The following SPRED2 variants were observed in gnomAD, a reference collection of about 807,000 sequenced individuals.
The protein encoded by SPRED2 is sprouty related EVH1 domain containing 2.
SPRED2 carries 47 observed loss-of-function variants against 43.0 expected under a neutral mutation model. That is an observed-to-expected ratio of 1.09 (90% CI 0.87 to 1.40). The LOEUF (loss-of-function observed/expected upper bound fraction) is 1.40, where lower values mean the gene tolerates loss of function less well. SPRED2 is among the 40% of genes most tolerant of loss of function. The probability of loss-of-function intolerance (pLI) is 0.00; values close to 1 mark genes in which losing one functional copy is unlikely to be tolerated. For missense variants in SPRED2, 561 were observed against 586.4 expected, an observed-to-expected ratio of 0.96 and a Z score of 0.45; for synonymous variants, 225 against 225.7, an observed-to-expected ratio of 1.00 and a Z score of 0.03.
At chr2:65,365,593 C>A (rs1674948754) in intron 1 of SPRED2, among the ~76,000 whole-genome samples, 1 of 152,198 alleles carries the variant, frequency 6.6e-6, no homozygotes, top group Non-Finnish European at 1.5e-5. Flanking sequence ...GGCTGCTCCA[C>A]AAATGCTAAA....
At chr2:65,321,616 G>A (rs940800812) in intron 4 of SPRED2, among the ~76,000 whole-genome samples, 1 of 151,646 alleles carries the variant, frequency 6.6e-6, no homozygotes, top group Non-Finnish European at 1.5e-5. Context: ...AAACAACAGG[G>A]TCTCAGCTCA....
intron 4 of SPRED2, among the ~76,000 whole-genome samples, chr2:65,325,703 G>A (rs1673590150): frequency 6.6e-6 from 1 of 152,220 alleles, no homozygotes; most frequent in South Asian, 2.1e-4. Context: ...CACTTTGGGA[G>A]GCCAAGGGGT....
At chr2:65,357,075 C>T (rs1224946167) in intron 1 of SPRED2, among the ~76,000 whole-genome samples, 1 of 152,186 alleles carries the variant, frequency 6.6e-6, no homozygotes, top group Non-Finnish European at 1.5e-5. Flanking sequence ...GGAAAATCAG[C>T]AGATCATGCT....
At chr2:65,365,572 G>A (rs1448947951) in intron 1 of SPRED2, among the ~76,000 whole-genome samples, 1 of 152,162 alleles carries the variant, frequency 6.6e-6, no homozygotes, top group African/African-American at 2.4e-5. Flanking sequence ...AGGATTTACT[G>A]CTATACACTG....
At chr2:65,315,367 T>G (rs1285070050) in intron 5 of SPRED2, among the ~76,000 whole-genome samples, 1 of 152,218 alleles carries the variant, frequency 6.6e-6, no homozygotes, top group Non-Finnish European at 1.5e-5. Context: ...GCTCACAGGA[T>G]GCACTTGATA....
chr2:65,317,439 G>A (rs1673274418), intron 4 of SPRED2, among the ~76,000 whole-genome samples: 1 of 152,002 alleles, frequency 6.6e-6, no homozygotes. Context: ...TTTGAACCCG[G>A]GAAGCGGAGG....
chr2:65,367,777 A>T (rs1483500808), intron 1 of SPRED2, among the ~76,000 whole-genome samples: 1 of 152,200 alleles, frequency 6.6e-6, no homozygotes, highest in Non-Finnish European at 1.5e-5. Flanking sequence ...AGAGGTGACT[A>T]TACCCAGCTT....
chr2:65,432,469 G>T lies in SPRED2; in HGVS notation c.-482C>A. ...GAGGTGCGCCTGGGAGGCGGTGCAG[G>T]GCGCCCCGTCCGAGCCCCATCTCTC... On this transcript the variant is annotated 5_prime_UTR_variant, in exon 1 of 6. Coordinates refer to ENST00000356388, the MANE Select transcript of SPRED2 (RefSeq NM_181784.3). 1 of 162,266 alleles carries T rather than the reference G, an allele frequency of 6.2e-6. No homozygotes were observed. The highest frequency in any genetic ancestry group is 1.3e-5 in the Non-Finnish European group (1 of 74,776). 10.1% of individuals were successfully genotyped at this position (162,266 alleles called of 1,614,324 possible). A position where few individuals can be genotyped will look rare whatever the true frequency, so the allele number is the denominator to read the frequency against.
intron 1 of SPRED2, among the ~76,000 whole-genome samples, chr2:65,381,260 C>A (rs188661747): frequency 6.6e-6 from 1 of 152,346 alleles, no homozygotes; most frequent in East Asian, 1.9e-4. Flanking sequence ...TGTGTCCCAG[C>A]CTGCACCAGC....
intron 1 of SPRED2, among the ~76,000 whole-genome samples, chr2:65,356,183 T>G (rs1321187533): frequency 1.1e-4 from 17 of 152,228 alleles, no homozygotes; most frequent in Admixed American, 1.1e-3. Flanking sequence ...ACCCACCCGT[T>G]GAAATGTCTA....
At chr2:65,401,937 G>GCACA (rs1553426622) in intron 1 of SPRED2, among the ~76,000 whole-genome samples, 36 of 114,726 alleles carry the variant, frequency 3.1e-4, no homozygotes, top group African/African-American at 5.4e-4. Context: ...GCGCGCGCGC[G>GCACA]CACACACACA....
At chr2:65,383,852 G>A (rs944410627) in intron 1 of SPRED2, among the ~76,000 whole-genome samples, 2 of 152,166 alleles carry the variant, frequency 1.3e-5, no homozygotes, top group East Asian at 3.8e-4. Context: ...TATAAAAACA[G>A]GAAGAACGGG....
chr2:65,319,357 G>C (rs749236511), intron 4 of SPRED2, among the ~76,000 whole-genome samples: 1 of 152,156 alleles, frequency 6.6e-6, no homozygotes, highest in Non-Finnish European at 1.5e-5. Flanking sequence ...CTCCATTTCT[G>C]TAATCAAGAT....
intron 1 of SPRED2, among the ~76,000 whole-genome samples, chr2:65,355,076 C>G (rs1369999764): frequency 6.6e-6 from 1 of 152,176 alleles, no homozygotes; most frequent in Admixed American, 6.5e-5. Context: ...AAGAATGGAA[C>G]AACTTTTTCT....
At chr2:65,385,140 T>A (rs1469876050) in intron 1 of SPRED2, among the ~76,000 whole-genome samples, 2 of 151,876 alleles carry the variant, frequency 1.3e-5, no homozygotes, top group Non-Finnish European at 2.9e-5. Flanking sequence ...CCTGGCTAAT[T>A]TTTGTATTTT....
chr2:65,380,166 G>A (rs542999539), intron 1 of SPRED2, among the ~76,000 whole-genome samples: 113 of 152,264 alleles, frequency 7.4e-4, no homozygotes, highest in African/African-American at 2.6e-3. Flanking sequence ...CAAAAGTCAC[G>A]TTTTGGACTC....
Position 65,345,259 on chromosome 2 carries a change from G to GTTTTT in SPRED2, c.27-368_27-364dup, listed in dbSNP as rs66991368. On this transcript the variant is annotated intron_variant, in intron 1 of 5. Transcript: ENST00000356388. Reference sequence around the variant, plus strand: ...ACACCTATTTTGGTTTTTAGTTGTTGTTTTTTTTTTTTTTTTTTTTTGAGA... The same window carrying GTTTTT: ...ACACCTATTTTGGTTTTTAGTTGTTGTTTTTTTTTTTTTTTTTTTTTTTTTTGAGA... Among the ~76,000 whole-genome samples, 652 of 111,250 alleles carry GTTTTT rather than the reference G, an allele frequency of 5.9e-3. 7 individuals are homozygous for GTTTTT. Among genetic ancestry groups the GTTTTT allele is most frequent in the East Asian group, 0.02 (56 of 2,796 alleles). 73.0% of individuals were successfully genotyped at this position (111,250 alleles called of 152,430 possible).
intron 1 of SPRED2, among the ~76,000 whole-genome samples, chr2:65,394,979 G>C (rs949124062): frequency 1.3e-5 from 2 of 152,068 alleles, no homozygotes; most frequent in African/African-American, 4.8e-5. Context: ...TGTGGGTTGG[G>C]GTTGATTCTA....
rs1254273249 is a variant in SPRED2 at position 65,311,386 on chromosome 2, G to A, written c.*2115C>T. 6.1e-6 allele frequency: 6 copies of A among 985,762 alleles called. No homozygotes were observed. The highest frequency in any genetic ancestry group is 7.2e-6 in the Non-Finnish European group (6 of 829,950). 61.1% of individuals were successfully genotyped at this position (985,762 alleles called of 1,614,324 possible). On this transcript the variant is annotated 3_prime_UTR_variant, in exon 6 of 6. Transcript: ENST00000356388. ...TTAAAAGGGTGGAAAAGGACAAGGG[G>A]TGAAAGAAGAGAGAAACAGGTAACA... is the stretch of plus-strand genomic sequence containing the variant.
Sources: gnomAD v4.1 joint callset for allele counts (sites outside exome capture counted in the v4.1 genomes callset) on GRCh38, gnomAD v4.1.1 for gene constraint, MANE v1.5 for transcripts, NCBI Gene and HGNC (gene_info 2026-07-23, HGNC 2026-07-21) for gene names.